Variants in CSGALNACT1 observed in about 807,000 individuals in gnomAD.
CSGALNACT1 encodes chondroitin sulfate N-acetylgalactosaminyltransferase 1, also known as beta4GalNAcT-1.
In CSGALNACT1, 52 loss-of-function variants were observed where a neutral mutation model predicts 51.0. That is an observed-to-expected ratio of 1.02 (90% confidence interval 0.82 to 1.29). CSGALNACT1 has a LOEUF of 1.29. Ranked by LOEUF, CSGALNACT1 falls within the 50% of genes most tolerant of loss-of-function variation. CSGALNACT1 has a pLI of 0.00. For missense variants in CSGALNACT1, 935 were observed against 679.2 expected, an observed-to-expected ratio of 1.38 and a Z score of -4.19; for synonymous variants, 341 against 254.4, an observed-to-expected ratio of 1.34 and a Z score of -3.24.
intron 3 of CSGALNACT1, among the ~76,000 whole-genome samples, chr8:19,544,551 T>A (rs1341595555): frequency 1.3e-5 from 2 of 152,182 alleles, no homozygotes; most frequent in South Asian, 2.1e-4. Context: ...CGAACAGATA[T>A]CCACCTGATT....
chr8:19,590,363 A>C (rs116987834), intron 3 of CSGALNACT1, among the ~76,000 whole-genome samples: 4,829 of 152,338 alleles, frequency 0.032, 114 homozygotes, highest in Non-Finnish European at 0.047. Flanking sequence ...AGTCAACATT[A>C]GATTGAGCTA....
chr8:19,553,620 C>CATATCTATATATATATATATATATATAT (rs2088818480), intron 3 of CSGALNACT1, among the ~76,000 whole-genome samples: 1 of 71,580 alleles, frequency 1.4e-5, no homozygotes, highest in Non-Finnish European at 2.5e-5. Context: ...TATATAAATA[C>CATATCTATATATATATATATATATATAT]ATATATATAT....
At chr8:19,588,858 G>A (rs1253411036) in intron 3 of CSGALNACT1, among the ~76,000 whole-genome samples, 1 of 152,122 alleles carries the variant, frequency 6.6e-6, no homozygotes, top group Non-Finnish European at 1.5e-5. Flanking sequence ...TTACGTCTCT[G>A]AGTCTCAGTT....
chr8:19,488,167 T>C (rs896626234), intron 4 of CSGALNACT1, among the ~76,000 whole-genome samples: 3 of 151,772 alleles, frequency 2.0e-5, no homozygotes, highest in Middle Eastern at 3.4e-3. Flanking sequence ...CTGGCCAAAA[T>C]AGTGAAACTC....
intron 1 of CSGALNACT1, among the ~76,000 whole-genome samples, chr8:19,751,778 T>C (rs2065044130): frequency 6.6e-6 from 1 of 152,104 alleles, no homozygotes; most frequent in Admixed American, 6.6e-5. Flanking sequence ...CCCTTGGCTC[T>C]CTCTCTCCTG....
intron 2 of CSGALNACT1, among the ~76,000 whole-genome samples, chr8:19,598,143 C>G (rs1164461396): frequency 1.3e-5 from 2 of 152,156 alleles, no homozygotes; most frequent in Non-Finnish European, 2.9e-5. Flanking sequence ...TAGAACCCAA[C>G]TCAATGAAAA....
chr8:19,440,944 A>G (rs900381809), intron 5 of CSGALNACT1, among the ~76,000 whole-genome samples: 2 of 152,200 alleles, frequency 1.3e-5, no homozygotes, highest in African/African-American at 2.4e-5. Flanking sequence ...AGAGAGCCCA[A>G]TCATGAGTGA....
chr8:19,455,951 C>T (rs74707875), intron 5 of CSGALNACT1, among the ~76,000 whole-genome samples: 2,062 of 152,334 alleles, frequency 0.014, 88 homozygotes, highest in East Asian at 0.094. Flanking sequence ...AGTCTTCCGC[C>T]ACCCATCCCT....
At chr8:19,453,463 A>G (rs2063542675) in intron 5 of CSGALNACT1, among the ~76,000 whole-genome samples, 1 of 152,244 alleles carries the variant, frequency 6.6e-6, no homozygotes, top group Admixed American at 6.5e-5. Flanking sequence ...ATGCTAATAA[A>G]TGGAGAAGAC....
chr8:19,562,359 A>AT (rs1564060881), intron 3 of CSGALNACT1, among the ~76,000 whole-genome samples: 1 of 152,148 alleles, frequency 6.6e-6, no homozygotes, highest in Non-Finnish European at 1.5e-5. Context: ...AAAAAATACT[A>AT]TTTTTGCTAG....
chr8:19,635,164 G>C (rs1270715203), intron 1 of CSGALNACT1, among the ~76,000 whole-genome samples: 1 of 152,224 alleles, frequency 6.6e-6, no homozygotes, highest in African/African-American at 2.4e-5. Flanking sequence ...CATCAGGGCA[G>C]AGGGGACCAG....
chr8:19,576,655 C>A lies in CSGALNACT1; in HGVS notation c.-297+14505G>T, dbSNP rs184176148. 7.3e-5 allele frequency among the ~76,000 whole-genome samples: 11 copies of A among 150,396 alleles called. No homozygotes were observed. In the South Asian group the frequency reaches 1.9e-3, roughly 26 times the overall value. On this transcript the variant is annotated intron_variant, in intron 3 of 9. Coordinates refer to ENST00000454498, the Ensembl canonical transcript of CSGALNACT1. Reference sequence around the variant, plus strand: ...CTAATGATCTCTCATTAGATCTCACCACATTATCCAGCAGACCCCCGACAG... The same window carrying A: ...CTAATGATCTCTCATTAGATCTCACAACATTATCCAGCAGACCCCCGACAG...
rs531278522 is a variant in CSGALNACT1 at position 19,745,888 on chromosome 8, C to T, written c.-297+11962G>A. On this transcript the variant is annotated intron_variant, in intron 1 of 1. Coordinates refer to the CSGALNACT1 transcript ENST00000517494. ...GCAGGGAAGGAATATAAGTACACAT[C>T]GGAAAACAGGAATTAGGGAGGGGTA... Among the ~76,000 whole-genome samples, 54 of 152,180 alleles carry T rather than the reference C, an allele frequency of 3.5e-4. 1 individual carries two copies. In the South Asian group the frequency reaches 5.0e-3, roughly 14 times the overall value.
chr8:19,416,771 T>G (rs886966424), intron 8 of CSGALNACT1, among the ~76,000 whole-genome samples: 2 of 152,212 alleles, frequency 1.3e-5, no homozygotes, highest in African/African-American at 2.4e-5. Flanking sequence ...ATTGCATAAG[T>G]GCGCTGTATG....
chr8:19,455,981 G>T (rs2064008224), intron 5 of CSGALNACT1, among the ~76,000 whole-genome samples: 1 of 152,142 alleles, frequency 6.6e-6, no homozygotes, highest in Admixed American at 6.6e-5. Context: ...CACGAGCAAG[G>T]GACATCCAAA....
chr8:19,708,294 T>C (rs1206312368), intron 1 of CSGALNACT1, among the ~76,000 whole-genome samples: 1 of 152,194 alleles, frequency 6.6e-6, no homozygotes, highest in Non-Finnish European at 1.5e-5. Context: ...ACTCAGCACC[T>C]AGGAGCCCAC....
chr8:19,714,800 C>A (rs1165560695), intron 1 of CSGALNACT1, among the ~76,000 whole-genome samples: 1 of 150,642 alleles, frequency 6.6e-6, no homozygotes, highest in East Asian at 1.9e-4. Context: ...AGGAGTACGT[C>A]TGCAGGTTTG....
intron 8 of CSGALNACT1, among the ~76,000 whole-genome samples, chr8:19,415,651 A>G (rs1040313220): frequency 1.3e-5 from 2 of 152,246 alleles, no homozygotes; most frequent in African/African-American, 2.4e-5. Flanking sequence ...TGGATTGTAA[A>G]ACGAAAACAA....
At chr8:19,570,116 T>G (rs1588483660) in intron 3 of CSGALNACT1, among the ~76,000 whole-genome samples, 1 of 151,192 alleles carries the variant, frequency 6.6e-6, no homozygotes. Flanking sequence ...GTTCTAGAAG[T>G]GGTCTACATC....
Sources: allele counts gnomAD v4.1 joint callset (sites outside exome capture counted in the v4.1 genomes callset), GRCh38; gene constraint gnomAD v4.1.1; transcripts MANE v1.5; gene names NCBI Gene and HGNC (gene_info 2026-07-23, HGNC 2026-07-21).